SRPX: variants seen among roughly 807,000 people sequenced by gnomAD.
The protein encoded by SRPX is sushi repeat-containing protein SRPX.
A neutral mutation model predicts 38.1 loss-of-function variants in SRPX; 24 were observed. The ratio of observed to expected loss-of-function variants is 0.63; its 90% CI spans 0.46 to 0.89. The LOEUF (loss-of-function observed/expected upper bound fraction) is 0.89, where lower values mean the gene tolerates loss of function less well. Ranked by LOEUF, SRPX falls within the 40% of genes least tolerant of loss-of-function variation. SRPX has a pLI of 0.00. For missense variants in SRPX, 416 were observed against 377.8 expected, an observed-to-expected ratio of 1.10 and a Z score of -0.84; for synonymous variants, 184 against 153.8, an observed-to-expected ratio of 1.20 and a Z score of -1.45.
At chrX:38,218,518 G>A (rs1056880417) in intron 1 of SRPX, among the ~76,000 whole-genome samples, 2 of 112,042 alleles carry the variant, frequency 1.8e-5, no homozygotes, top group African/African-American at 3.2e-5. Flanking sequence ...CTAGGAGTGG[G>A]AATGAGAATG....
At chrX:38,183,265 G>A (rs1238516374) in intron 1 of SRPX, among the ~76,000 whole-genome samples, 1 of 111,351 alleles carries the variant, frequency 9.0e-6, no homozygotes, top group African/African-American at 3.3e-5. Context: ...TGTTGGCCAG[G>A]CTGGTCTCGA....
At chrX:38,151,973 C>T (rs753897779) in intron 9 of SRPX, among the ~76,000 whole-genome samples, 3 of 111,070 alleles carry the variant, frequency 2.7e-5, no homozygotes, top group Admixed American at 1.9e-4. Flanking sequence ...AGAAGGTAGG[C>T]GGTGACCCTG....
At chrX:38,162,522 G>A (rs767206212) in intron 5 of SRPX, among the ~76,000 whole-genome samples, 3 of 112,422 alleles carry the variant, frequency 2.7e-5, no homozygotes, top group Non-Finnish European at 5.6e-5. Flanking sequence ...GTTTTAAAAT[G>A]TAACAATCCT....
At chrX:38,193,599 CA>C (rs1259715511) in intron 1 of SRPX, among the ~76,000 whole-genome samples, 2 of 112,119 alleles carry the variant, frequency 1.8e-5, no homozygotes, top group African/African-American at 6.5e-5. Context: ...AAATTTTCCT[CA>C]AATGCTTGCA....
At chrX:38,202,141 T>C (rs903254073) in intron 1 of SRPX, among the ~76,000 whole-genome samples, 5 of 112,465 alleles carry the variant, frequency 4.4e-5, no homozygotes, top group African/African-American at 1.6e-4. Flanking sequence ...TCTAGATACC[T>C]AAAACTCTGG....
At chrX:38,186,134 CTG>C (rs1480208607) in intron 1 of SRPX, among the ~76,000 whole-genome samples, 2 of 111,766 alleles carry the variant, frequency 1.8e-5, no homozygotes, top group Non-Finnish European at 3.8e-5. Context: ...TATAAAAAGA[CTG>C]TGGTGTCCAT....
rs776796166 is a variant in SRPX, at chrX:38,196,997, G to A, written c.98-18653C>T. Reference sequence around the variant, plus strand: ...CCTCTAAGACATGTGGACATCTAAGGTGAGAAACTGTCAGCATGTTTGAGA... The same window carrying A: ...CCTCTAAGACATGTGGACATCTAAGATGAGAAACTGTCAGCATGTTTGAGA... On this transcript the variant is annotated intron_variant, in intron 1 of 9. Coordinates refer to ENST00000378533, the MANE Select transcript of SRPX (RefSeq NM_006307.5). Among the ~76,000 whole-genome samples the A allele has an allele frequency of 3.6e-5, 4 of 111,942 alleles. No homozygotes were observed. In the South Asian group the frequency reaches 1.5e-3, roughly 43 times the overall value.
chrX:38,209,583 T>C (rs1307908629), intron 1 of SRPX, among the ~76,000 whole-genome samples: 1 of 111,520 alleles, frequency 9.0e-6, no homozygotes, highest in Non-Finnish European at 1.9e-5. Flanking sequence ...AGGCTTCCCA[T>C]GGAGAAAAGG....
chrX:38,217,415 A>G (rs1422407931), intron 1 of SRPX, among the ~76,000 whole-genome samples: 1 of 111,636 alleles, frequency 9.0e-6, no homozygotes, highest in Non-Finnish European at 1.9e-5. Flanking sequence ...GCAAGGGGGA[A>G]GGATTCCAGG....
chrX:38,192,559 G>C (rs1197620910), intron 1 of SRPX, among the ~76,000 whole-genome samples: 1 of 112,663 alleles, frequency 8.9e-6, no homozygotes, highest in East Asian at 2.8e-4. Context: ...TGTGTGTCCT[G>C]TTTTCTGTTA....
intron 1 of SRPX, among the ~76,000 whole-genome samples, chrX:38,206,287 G>A (rs779721692): frequency 4.5e-5 from 5 of 112,068 alleles, no homozygotes; most frequent in African/African-American, 1.6e-4. Flanking sequence ...GAACCATCCC[G>A]GATCCTCTAG....
In SRPX at chrX:38,168,932, C is replaced by G. The variant is rs1255142753; in HGVS notation, c.526+2949G>C. On this transcript the variant is annotated intron_variant, in intron 4 of 9. Transcript: ENST00000378533. ...ACTCAGGAGGCTGATGTGGGAGGAT[C>G]ACTTAAGCCTGGGAGTTCAAGACCA... Among the ~76,000 whole-genome samples the G allele has an allele frequency of 3.6e-5, 4 of 112,169 alleles. No homozygotes were observed. The East Asian group carries it at 1.1e-3, about 31-fold the overall frequency.
At chrX:38,181,124 T>C (rs1938663993) in intron 1 of SRPX, among the ~76,000 whole-genome samples, 1 of 112,427 alleles carries the variant, frequency 8.9e-6, no homozygotes, top group South Asian at 3.7e-4. Flanking sequence ...CTTCTCTTCT[T>C]GAACAACTGA....
At chrX:38,154,326 T>C (rs1938085365) in intron 9 of SRPX, 136 bp downstream of exon 9, 2 of 726,028 alleles carry the variant, frequency 2.8e-6, no homozygotes, top group Admixed American at 7.5e-5. Flanking sequence ...AGTATGGTTA[T>C]AACACTCCCA....
chrX:38,200,600 T>C (rs150555044), intron 1 of SRPX, among the ~76,000 whole-genome samples: 1,468 of 111,387 alleles, frequency 0.013, 10 homozygotes, highest in Admixed American at 0.022. Context: ...TGCGGCATCA[T>C]CTCATGAAAG....
chrX:38,201,771 A>ATCAC (rs1569213895), intron 1 of SRPX, among the ~76,000 whole-genome samples: 16 of 108,281 alleles, frequency 1.5e-4, no homozygotes, highest in Non-Finnish European at 7.7e-5. Flanking sequence ...GTGAGCTGAG[A>ATCAC]TCACGCCACT....
intron 1 of SRPX, among the ~76,000 whole-genome samples, chrX:38,212,970 A>C (rs1939357383): frequency 8.9e-6 from 1 of 111,890 alleles, no homozygotes; most frequent in Non-Finnish European, 1.9e-5. Flanking sequence ...CTCTTTTTCT[A>C]ATTCACCCAA....
intron 1 of SRPX, among the ~76,000 whole-genome samples, chrX:38,205,887 C>T (rs1306636573): frequency 1.8e-5 from 2 of 112,238 alleles, no homozygotes; most frequent in Non-Finnish European, 3.8e-5. Context: ...TCCAATATGC[C>T]GTCCCAAACC....
rs762612582 is a variant in SRPX, at chrX:38,191,027, G to A, written c.98-12683C>T. On this transcript the variant is annotated intron_variant, in intron 1 of 9. Coordinates refer to ENST00000378533, the MANE Select transcript of SRPX (RefSeq NM_006307.5). Reference sequence around the variant, plus strand: ...TCTCATACAGAATGCTAATTCGAGAGAATGAAGCCATCAAAGAAAAGCAAA... The same window carrying A: ...TCTCATACAGAATGCTAATTCGAGAAAATGAAGCCATCAAAGAAAAGCAAA... Among the ~76,000 whole-genome samples, 7 of 111,722 alleles carry A rather than the reference G, an allele frequency of 6.3e-5. No homozygotes were observed. The East Asian group carries it at 1.4e-3, about 22-fold the overall frequency.
Sources: allele counts gnomAD v4.1 joint callset (sites outside exome capture counted in the v4.1 genomes callset), GRCh38; gene constraint gnomAD v4.1.1; transcripts MANE v1.5; gene names NCBI Gene and HGNC (gene_info 2026-07-23, HGNC 2026-07-21).